The following GABRB1 variants were observed in gnomAD, a reference collection of about 807,000 sequenced individuals.
The protein encoded by GABRB1 is gamma-aminobutyric acid type A receptor subunit beta1, also known as gamma-aminobutyric acid receptor subunit beta-1.
In GABRB1, 17 loss-of-function variants were observed where a neutral mutation model predicts 51.6. The ratio of observed to expected loss-of-function variants is 0.33; its 90% CI spans 0.23 to 0.49. The LOEUF (loss-of-function observed/expected upper bound fraction) is 0.49. GABRB1 is among the 20% of genes least tolerant of loss of function. The probability of loss-of-function intolerance (pLI) is 0.99; values close to 1 mark genes in which losing one functional copy is unlikely to be tolerated. For missense variants in GABRB1, 410 were observed against 600.6 expected, an observed-to-expected ratio of 0.68 and a Z score of 3.32; for synonymous variants, 247 against 218.9, an observed-to-expected ratio of 1.13 and a Z score of -1.14.
At chr4:47,309,542 A>G (rs1215162746) in intron 4 of GABRB1, among the ~76,000 whole-genome samples, 1 of 152,118 alleles carries the variant, frequency 6.6e-6, no homozygotes, top group African/African-American at 2.4e-5. Flanking sequence ...CTATTTACTC[A>G]GTGTGATTTT....
intron 3 of GABRB1, among the ~76,000 whole-genome samples, chr4:47,148,836 A>T (rs1717292603): frequency 6.6e-6 from 1 of 151,918 alleles, no homozygotes; most frequent in South Asian, 2.1e-4. Flanking sequence ...AAAACTGGAA[A>T]ATCTACCCAC....
At chr4:47,092,761 G>A (rs563987143) in intron 3 of GABRB1, among the ~76,000 whole-genome samples, 26 of 151,746 alleles carry the variant, frequency 1.7e-4, no homozygotes, top group South Asian at 4.2e-4. Flanking sequence ...ACAGGTGCCC[G>A]CCACCACACC....
chr4:47,225,678 A>G (rs1720919407), intron 4 of GABRB1, among the ~76,000 whole-genome samples: 1 of 152,294 alleles, frequency 6.6e-6, no homozygotes, highest in Non-Finnish European at 1.5e-5. Context: ...AGTGAAGGCA[A>G]AAGTGCCTCT....
intron 5 of GABRB1, among the ~76,000 whole-genome samples, chr4:47,395,432 A>G (rs866212765): frequency 3.9e-5 from 6 of 152,266 alleles, no homozygotes; most frequent in African/African-American, 9.6e-5. Flanking sequence ...GCAAGGGGAA[A>G]ATCCACACCC....
intron 5 of GABRB1, among the ~76,000 whole-genome samples, chr4:47,359,628 T>G (rs1156844289): frequency 6.6e-6 from 1 of 152,094 alleles, no homozygotes; most frequent in Non-Finnish European, 1.5e-5. Flanking sequence ...GTTAAACCCA[T>G]AAGACAATTC....
At chr4:47,060,027 C>T (rs1726781155) in intron 3 of GABRB1, among the ~76,000 whole-genome samples, 1 of 152,196 alleles carries the variant, frequency 6.6e-6, no homozygotes, top group Non-Finnish European at 1.5e-5. Flanking sequence ...ATCAATCACT[C>T]ATGTCATTTC....
intron 3 of GABRB1, among the ~76,000 whole-genome samples, chr4:47,115,420 C>CT (rs1050040835): frequency 2.6e-5 from 4 of 151,600 alleles, no homozygotes; most frequent in African/African-American, 9.7e-5. Flanking sequence ...AAAATTTTTT[C>CT]TTCTTTTTTG....
At chr4:47,001,761 A>G (rs1336479981) in intron 1 of GABRB1, among the ~76,000 whole-genome samples, 1 of 152,208 alleles carries the variant, frequency 6.6e-6, no homozygotes, top group African/African-American at 2.4e-5. Flanking sequence ...TCTATACTCT[A>G]TCGGTTCAAT....
At chr4:47,326,123 C>G (rs116335673) in intron 5 of GABRB1, among the ~76,000 whole-genome samples, 2,514 of 152,242 alleles carry the variant, frequency 0.017, 83 homozygotes, top group African/African-American at 0.057. Flanking sequence ...CATAAATCAT[C>G]CCTTTATCCA....
intron 4 of GABRB1, among the ~76,000 whole-genome samples, chr4:47,228,155 C>A (rs190623944): frequency 6.6e-6 from 1 of 152,274 alleles, no homozygotes; most frequent in South Asian, 2.1e-4. Context: ...TCCATCTCAG[C>A]AGCCGTTGGA....
At chr4:47,038,358 C>T (rs1725687673) in intron 3 of GABRB1, among the ~76,000 whole-genome samples, 1 of 152,158 alleles carries the variant, frequency 6.6e-6, no homozygotes, top group African/African-American at 2.4e-5. Context: ...CAACAAGAAG[C>T]AATGATCTTC....
chr4:47,185,464 C>T (rs1719134650), intron 4 of GABRB1, among the ~76,000 whole-genome samples: 1 of 151,754 alleles, frequency 6.6e-6, no homozygotes, highest in African/African-American at 2.4e-5. Flanking sequence ...CAGTCACATG[C>T]AGTAATGAAT....
At chr4:47,240,501 T>C (rs1046415011) in intron 4 of GABRB1, among the ~76,000 whole-genome samples, 1 of 152,206 alleles carries the variant, frequency 6.6e-6, no homozygotes, top group African/African-American at 2.4e-5. Flanking sequence ...GCAGTTTCTC[T>C]GGAGGTCTAT....
At chr4:47,095,083 T>C (rs1560531906) in intron 3 of GABRB1, among the ~76,000 whole-genome samples, 2 of 152,232 alleles carry the variant, frequency 1.3e-5, no homozygotes, top group South Asian at 4.2e-4. Flanking sequence ...GGAATAGGAC[T>C]GTTACATGCA....
chr4:47,246,337 C>T (rs866948157), intron 4 of GABRB1, among the ~76,000 whole-genome samples: 64 of 53,322 alleles, frequency 1.2e-3, no homozygotes, highest in Admixed American at 2.2e-3. Context: ...CACATATGTA[C>T]ATATATATAT....
At chr4:47,065,567 A>G (rs181105188) in intron 3 of GABRB1, among the ~76,000 whole-genome samples, 18 of 152,276 alleles carry the variant, frequency 1.2e-4, no homozygotes, top group Non-Finnish European at 2.5e-4. Flanking sequence ...ATTGAATTCC[A>G]ATATGCCATG....
chr4:47,229,896 A>G (rs1485399796), intron 4 of GABRB1, among the ~76,000 whole-genome samples: 1 of 152,130 alleles, frequency 6.6e-6, no homozygotes, highest in African/African-American at 2.4e-5. Context: ...GCTTTTCAAA[A>G]TCTTGATTTC....
chr4:47,138,569 T>G (rs1281592181), intron 3 of GABRB1, among the ~76,000 whole-genome samples: 3 of 152,088 alleles, frequency 2.0e-5, no homozygotes. Flanking sequence ...GTGAGAGTCT[T>G]CTGCGGATTG....
chr4:47,213,622 T>G (rs1720448480), intron 4 of GABRB1, among the ~76,000 whole-genome samples: 1 of 152,068 alleles, frequency 6.6e-6, no homozygotes, highest in Non-Finnish European at 1.5e-5. Flanking sequence ...TAACTCCAGC[T>G]GGGGGGTTTT....
Sources: gnomAD v4.1 joint callset for allele counts (sites outside exome capture counted in the v4.1 genomes callset) on GRCh38, gnomAD v4.1.1 for gene constraint, MANE v1.5 for transcripts, NCBI Gene and HGNC (gene_info 2026-07-23, HGNC 2026-07-21) for gene names.